The following OSBPL9 variants were observed in gnomAD, a reference collection of about 807,000 sequenced individuals.
The protein encoded by OSBPL9 is oxysterol-binding protein-related protein 9.
Under a neutral mutation model 106.6 loss-of-function variants are expected in OSBPL9, and 40 were observed. The observed-to-expected ratio is 0.38, with a 90% CI of 0.29 to 0.49. The LOEUF (loss-of-function observed/expected upper bound fraction) is 0.49, where lower values mean the gene tolerates loss of function less well. Ranked by LOEUF, OSBPL9 falls within the 20% of genes least tolerant of loss-of-function variation. The pLI is 0.97. For synonymous variants in OSBPL9, 269 were observed against 295.4 expected, an observed-to-expected ratio of 0.91 and a Z score of 0.92; for missense variants, 609 against 887.2, an observed-to-expected ratio of 0.69 and a Z score of 3.98.
intron 4 of OSBPL9, among the ~76,000 whole-genome samples, chr1:51,735,177 C>T (rs1484264260): frequency 6.6e-6 from 1 of 152,130 alleles, no homozygotes; most frequent in African/African-American, 2.4e-5. Flanking sequence ...AGTATTTGTT[C>T]CTTCTGCTCC....
intron 1 of OSBPL9, among the ~76,000 whole-genome samples, chr1:51,651,200 T>A (rs937624859): frequency 7.2e-5 from 11 of 152,100 alleles, no homozygotes; most frequent in African/African-American, 2.7e-4. Flanking sequence ...CTGAGGGACA[T>A]TGGATGAGAA....
the OSBPL9 span, among the ~76,000 whole-genome samples, chr1:51,557,723 G>A: frequency 1.3e-5 from 2 of 152,222 alleles, no homozygotes; most frequent in Non-Finnish European, 2.9e-5. Flanking sequence ...TGAGTCCTCA[G>A]TGTTCTCATC....
intron 23 of OSBPL9, 70 bp downstream of exon 23, chr1:51,787,558 G>A: frequency 6.2e-7 from 1 of 1,607,376 alleles, no homozygotes; most frequent in Non-Finnish European, 8.5e-7. Context: ...TTGAAGAAGT[G>A]ATGTGCCAAA....
chr1:51,603,025 G>T (rs4477330), intron 2 of OSBPL9, among the ~76,000 whole-genome samples: 14 of 151,954 alleles, frequency 9.2e-5, no homozygotes, highest in Non-Finnish European at 1.3e-4. Flanking sequence ...GCATGATGGC[G>T]TGCACCTGTA....
chr1:51,732,678 C>G (rs1050073897), intron 4 of OSBPL9, among the ~76,000 whole-genome samples: 1 of 152,224 alleles, frequency 6.6e-6, no homozygotes, highest in Non-Finnish European at 1.5e-5. Context: ...ATCATGGTCT[C>G]TCACCTAGAC....
chr1:51,600,502 AT>A (rs1645321271), intron 2 of OSBPL9, among the ~76,000 whole-genome samples: 1 of 151,964 alleles, frequency 6.6e-6, no homozygotes, highest in Non-Finnish European at 1.5e-5. Context: ...TGGATTCATT[AT>A]TATATATTCA....
chr1:51,737,122 A>T (rs189689170), intron 4 of OSBPL9, among the ~76,000 whole-genome samples: 1 of 152,134 alleles, frequency 6.6e-6, no homozygotes, highest in African/African-American at 2.4e-5. Flanking sequence ...GTGATTACGA[A>T]GTTTTAAGTG....
intron 2 of OSBPL9, among the ~76,000 whole-genome samples, chr1:51,607,584 T>G (rs765543863): frequency 6.6e-6 from 1 of 152,206 alleles, no homozygotes; most frequent in Non-Finnish European, 1.5e-5. Flanking sequence ...CCAGCTCTCT[T>G]ATTCCCACTA....
chr1:51,617,996 TTGTGTG>T (rs58221259), intron 1 of OSBPL9, among the ~76,000 whole-genome samples: 25 of 145,766 alleles, frequency 1.7e-4, no homozygotes, highest in African/African-American at 4.6e-4. Context: ...TCTTACGTGG[TTGTGTG>T]TGTGTGTGTG....
intron 12 of OSBPL9, among the ~76,000 whole-genome samples, chr1:51,766,651 C>T (rs1486449542): frequency 6.6e-6 from 1 of 152,132 alleles, no homozygotes; most frequent in Non-Finnish European, 1.5e-5. Flanking sequence ...GTGCTAGAAG[C>T]CATTACTAAG....
chr1:51,576,645 A>G (rs1645185766), upstream of OSBPL9, among the ~76,000 whole-genome samples: 1 of 151,894 alleles, frequency 6.6e-6, no homozygotes, highest in African/African-American at 2.4e-5. Flanking sequence ...CTCCCAACTC[A>G]GCCTCCTAAG....
rs1156379558 is a variant in OSBPL9, at chr1:51,745,398, A to G, written c.319-138A>G. The stretch of plus-strand genomic sequence containing the variant: ...CTGTTTAAATAGACCTAACTGTTAA[A>G]TAGACCTATTATTTGTGTCAAAATA... On this transcript the variant is annotated intron_variant, in intron 4 of 23. Transcript: ENST00000428468. 9 of 1,267,546 alleles carry G rather than the reference A, an allele frequency of 7.1e-6. No individual in the cohort carries two copies. In the South Asian group the frequency reaches 9.2e-5, roughly 13 times the overall value. 78.5% of individuals were successfully genotyped at this position (1,267,546 alleles called of 1,614,324 possible). A position where few individuals can be genotyped will look rare whatever the true frequency, so the allele number is the denominator to read the frequency against.
intron 14 of OSBPL9, 46 bp downstream of exon 14, chr1:51,772,769 T>C: frequency 1.6e-6 from 2 of 1,287,754 alleles, no homozygotes; most frequent in Non-Finnish European, 2.3e-6. Flanking sequence ...GTATGGATTC[T>C]CAGTGATTGC....
intron 1 of OSBPL9, among the ~76,000 whole-genome samples, chr1:51,577,826 C>T (rs1234938867): frequency 6.6e-6 from 1 of 152,240 alleles, no homozygotes; most frequent in East Asian, 1.9e-4. Flanking sequence ...GAATCTTGCC[C>T]AAAAGCCCAG....
rs376027113 is a variant in OSBPL9, at chr1:51,784,550, G to A, written c.1797G>A (p.Gly599=). 5 of 1,614,030 alleles carry A rather than the reference G, an allele frequency of 3.1e-6. No individual in the cohort carries two copies. The highest frequency in any genetic ancestry group is 4.2e-6 in the Non-Finnish European group (5 of 1,179,938). Residue 599 remains glycine, a synonymous_variant, in exon 20 of 24, where the codon GGG becomes GGA. Coordinates refer to ENST00000428468, the MANE Select transcript of OSBPL9 (RefSeq NM_024586.6). The part of the protein sequence containing the change: ...NIIFHTKPFY[G]GKKHRITAEI... The stretch of plus-strand genomic sequence containing the variant: ...TCTTCCACACTAAACCCTTCTATGG[G>A]GGCAAGAAGCACAGAATTACTGCCG...
At chr1:51,583,119 TATA>T (rs1358589592) in intron 1 of OSBPL9, among the ~76,000 whole-genome samples, 3 of 151,922 alleles carry the variant, frequency 2.0e-5, no homozygotes, top group Non-Finnish European at 4.4e-5. Context: ...AAATATATAA[TATA>T]ATATCAGGCA....
chr1:51,746,116 G>C (rs543094311), intron 5 of OSBPL9, among the ~76,000 whole-genome samples: 158 of 152,240 alleles, frequency 1.0e-3, no homozygotes, highest in African/African-American at 3.7e-3. Context: ...AGAGGTGCCC[G>C]TATTTTTAGT....
the OSBPL9 span, chr1:51,567,992 A>G: frequency 6.6e-6 from 1 of 152,418 alleles, no homozygotes; most frequent in African/African-American, 2.4e-5. Flanking sequence ...ATTATTTGAG[A>G]AGGATTTAAT....
At chr1:51,604,841 C>T (rs1643930746) in intron 2 of OSBPL9, among the ~76,000 whole-genome samples, 1 of 151,924 alleles carries the variant, frequency 6.6e-6, no homozygotes, top group African/African-American at 2.4e-5. Context: ...TTAGTAGACA[C>T]GGGGTTTCAC....
Sources: gnomAD v4.1 joint callset for allele counts (sites outside exome capture counted in the v4.1 genomes callset) on GRCh38, gnomAD v4.1.1 for gene constraint, MANE v1.5 for transcripts, NCBI Gene and HGNC (gene_info 2026-07-23, HGNC 2026-07-21) for gene names.